The following WDR72 variants were observed in gnomAD, a reference collection of about 807,000 sequenced individuals.
The protein encoded by WDR72 is WD repeat domain 72, also known as WD repeat-containing protein 72.
WDR72 carries 120 observed loss-of-function variants against 124.2 expected under a neutral mutation model. That is an observed-to-expected ratio of 0.97 (90% CI 0.83 to 1.12). The LOEUF (loss-of-function observed/expected upper bound fraction) is 1.12. Among genes scored for constraint, WDR72 ranks in the 50% most tolerant of loss-of-function variants. The pLI, the probability that WDR72 is intolerant of heterozygous loss-of-function variation, is 0.00. For synonymous variants in WDR72, 452 were observed against 441.7 expected (o/e 1.02, Z -0.29); for missense variants, 1,387 against 1,278.8 (o/e 1.08, Z -1.29).
At chr15:53,700,350 T>C (rs1332458376) in intron 12 of WDR72, among the ~76,000 whole-genome samples, 5 of 152,202 alleles carry the variant, frequency 3.3e-5, no homozygotes, top group Non-Finnish European at 5.9e-5. Context: ...TGAGCTGATA[T>C]TTTCCACTTA....
chr15:53,625,485 C>T (rs2014168584), intron 14 of WDR72, among the ~76,000 whole-genome samples: 1 of 152,162 alleles, frequency 6.6e-6, no homozygotes, highest in South Asian at 2.1e-4. Flanking sequence ...CCATTCCAAC[C>T]TCTGAACTTT....
Position 53,545,041 on chromosome 15 carries a change from T to A in WDR72, c.3149-21719A>T, listed in dbSNP as rs865906399. 5.7e-3 allele frequency among the ~76,000 whole-genome samples: 818 copies of A among 144,202 alleles called. 2 individuals carry two copies. The highest frequency in any genetic ancestry group is 0.011 in the Non-Finnish European group (691 of 65,514). 94.6% of individuals were successfully genotyped at this position (144,202 alleles called of 152,430 possible). Reference sequence around the variant, plus strand: ...TACAAACAAATGGAAGAACATTCCATGCTCATGGGTAGGAAGAATCAATAT... The same window carrying A: ...TACAAACAAATGGAAGAACATTCCAAGCTCATGGGTAGGAAGAATCAATAT... On this transcript the variant is annotated intron_variant, in intron 18 of 19. Transcript: ENST00000360509.
chr15:53,714,576 T>C, intron 5 of WDR72, 66 bp from the exon 6 acceptor site: 3 of 1,293,246 alleles, frequency 2.3e-6, no homozygotes, highest in Admixed American at 3.4e-5. Flanking sequence ...AAAAATCATT[T>C]CACAGTCATT....
At chr15:53,657,850 T>G (rs2015482804) in intron 14 of WDR72, among the ~76,000 whole-genome samples, 1 of 152,330 alleles carries the variant, frequency 6.6e-6, no homozygotes, top group Non-Finnish European at 1.5e-5. Context: ...CGACCTTGAA[T>G]GAGCCTTAAA....
chr15:53,578,590 T>C (rs1278037007), intron 18 of WDR72, among the ~76,000 whole-genome samples: 1 of 152,052 alleles, frequency 6.6e-6, no homozygotes, highest in Non-Finnish European at 1.5e-5. Flanking sequence ...GGCTGAGTTG[T>C]AGAGTTTGAG....
At chr15:53,576,218 AAAGT>A (rs145229861) in intron 18 of WDR72, among the ~76,000 whole-genome samples, 4,230 of 152,230 alleles carry the variant, frequency 0.028, 88 homozygotes, top group Middle Eastern at 0.065. Context: ...GCTGTACCTC[AAAGT>A]ATGTGTTTGC....
chr15:53,632,459 A>T lies in WDR72; in HGVS notation c.1963-16216T>A, dbSNP rs574865178. 4.4e-4 allele frequency among the ~76,000 whole-genome samples: 67 copies of T among 152,232 alleles called. 1 individual carries two copies. In the South Asian group the frequency reaches 0.013, roughly 31 times the overall value. ...AGTGGAGCCCTCATGAAGAACCTCT[A>T]CTAGAGCACTGCAGAGGGGAAATGG... On this transcript the variant is annotated intron_variant, in intron 14 of 19. Transcript: ENST00000360509.
chr15:53,728,435 G>T (rs1317282629), intron 2 of WDR72, among the ~76,000 whole-genome samples: 1 of 152,144 alleles, frequency 6.6e-6, no homozygotes, highest in African/African-American at 2.4e-5. Context: ...CCGTATTCCA[G>T]ACAAAAACAC....
chr15:53,671,155 G>T (rs541182604), intron 13 of WDR72, among the ~76,000 whole-genome samples: 1 of 152,108 alleles, frequency 6.6e-6, no homozygotes, highest in Admixed American at 6.6e-5. Flanking sequence ...GCTGCACTTG[G>T]GATTAAACCT....
chr15:53,686,579 C>A (rs1430410757), intron 13 of WDR72, among the ~76,000 whole-genome samples: 1 of 151,634 alleles, frequency 6.6e-6, no homozygotes, highest in Non-Finnish European at 1.5e-5. Context: ...GAGTGACCTA[C>A]AAAGAGACTT....
chr15:53,701,998 C>T, intron 12 of WDR72, 136 bp downstream of exon 12: 1 of 555,560 alleles, frequency 1.8e-6, no homozygotes. Flanking sequence ...ATGAATCATC[C>T]AGTTGTATTA....
chr15:53,579,117 G>A (rs1182917124), intron 18 of WDR72, among the ~76,000 whole-genome samples: 1 of 152,086 alleles, frequency 6.6e-6, no homozygotes, highest in African/African-American at 2.4e-5. Flanking sequence ...CTGCCCTTTA[G>A]AGTAGACAAG....
intron 13 of WDR72, among the ~76,000 whole-genome samples, chr15:53,673,800 A>G (rs690255): frequency 0.32 from 48,254 of 151,698 alleles, 8,666 homozygotes; most frequent in East Asian, 0.52. Context: ...GACCAGCCTG[A>G]CCAACATGGC....
In WDR72 at chr15:53,566,276, A is replaced by G. The variant is rs142853499; in HGVS notation, c.3148+30803T>C. ...AACCGGGATTCAAATCCAAGCAAGT[A>G]TTACTATTAGCTCAGAGCAAGTGGT... is the stretch of plus-strand genomic sequence containing the variant. On this transcript the variant is annotated intron_variant, in intron 18 of 19. Transcript: ENST00000360509. Among the ~76,000 whole-genome samples the G allele has an allele frequency of 1.3e-3, 203 of 152,090 alleles. 2 individuals carry two copies. The highest frequency in any genetic ancestry group is 4.7e-3 in the African/African-American group (195 of 41,544).
chr15:53,515,145 AAG>A lies in WDR72; in HGVS notation c.*2552_*2553del, dbSNP rs1891393324. Reference sequence around the variant, plus strand: ...AATATCACCAAGATGATTACCAAAAAAGAAACACAAGACAAAATTTTTAAATA... The same window carrying A: ...AATATCACCAAGATGATTACCAAAAAAAACACAAGACAAAATTTTTAAATA... On this transcript the variant is annotated 3_prime_UTR_variant, in exon 20 of 20. Transcript: ENST00000360509. 6.6e-6 allele frequency: 1 copy of A among 151,420 alleles called. No homozygotes were observed. Among genetic ancestry groups the A allele is most frequent in the Non-Finnish European group, 1.5e-5 (1 of 67,806 alleles). The allele number at this position is 151,420 out of a possible 1,614,324, so 9.4% of individuals were successfully genotyped here.
In WDR72 at chr15:53,580,784, T is replaced by C. The variant is rs753509119; in HGVS notation, c.3148+16295A>G. The stretch of plus-strand genomic sequence containing the variant: ...TGAGGTAATTATGGCAAGTATTTAT[T>C]CCAAACAGCCACAATTTTATAGTGG... On this transcript the variant is annotated intron_variant, in intron 18 of 19. Coordinates refer to ENST00000360509, the MANE Select transcript of WDR72 (RefSeq NM_182758.4). Among the ~76,000 whole-genome samples, 161 of 152,016 alleles carry C rather than the reference T, an allele frequency of 1.1e-3. 1 individual carries two copies. Among genetic ancestry groups the C allele is most frequent in the Non-Finnish European group, 4.3e-4 (29 of 67,988 alleles).
intron 18 of WDR72, among the ~76,000 whole-genome samples, chr15:53,585,061 C>G (rs1566970682): frequency 6.6e-6 from 1 of 152,006 alleles, no homozygotes; most frequent in Non-Finnish European, 1.5e-5. Context: ...GCCTACATCC[C>G]CCACTTCTCT....
At chr15:53,583,716 C>T (rs2140320974) in intron 18 of WDR72, among the ~76,000 whole-genome samples, 1 of 152,102 alleles carries the variant, frequency 6.6e-6, no homozygotes, top group East Asian at 1.9e-4. Context: ...CACTGTTTCA[C>T]AGTGCAGGGT....
chr15:53,674,933 G>A (rs1179139987), intron 13 of WDR72, among the ~76,000 whole-genome samples: 3 of 151,938 alleles, frequency 2.0e-5, no homozygotes, highest in East Asian at 1.9e-4. Flanking sequence ...TGTGGCGGGG[G>A]ACAATTGAAA....
Sources: allele counts gnomAD v4.1 joint callset (sites outside exome capture counted in the v4.1 genomes callset), GRCh38; gene constraint gnomAD v4.1.1; transcripts MANE v1.5; gene names NCBI Gene and HGNC (gene_info 2026-07-23, HGNC 2026-07-21).